HOOK3: variants seen among roughly 807,000 people sequenced by gnomAD.
HOOK3 encodes protein Hook homolog 3.
In HOOK3, 24 loss-of-function variants were observed where a neutral mutation model predicts 116.3. That is an observed-to-expected ratio of 0.21 (90% CI 0.15 to 0.29). HOOK3 has a LOEUF of 0.29. Among genes scored for constraint, HOOK3 ranks in the 10% least tolerant of loss-of-function variants. The pLI is 1.00. For missense variants in HOOK3, 632 were observed against 830.2 expected (o/e 0.76, Z 2.93); for synonymous variants, 275 against 283.0 (o/e 0.97, Z 0.28).
At chr8:42,931,895 C>G (rs1382379303) in intron 4 of HOOK3, among the ~76,000 whole-genome samples, 2 of 152,162 alleles carry the variant, frequency 1.3e-5, no homozygotes, top group Non-Finnish European at 2.9e-5. Context: ...GCTGGGACTA[C>G]AGGTGCGTAC....
intron 9 of HOOK3, 54 bp downstream of exon 9, chr8:42,964,528 AAAGTT>A: frequency 6.4e-7 from 1 of 1,556,242 alleles, no homozygotes; most frequent in South Asian, 1.1e-5. Context: ...GCTGTCATTT[AAAGTT>A]AAGAGTATAT....
intron 1 of HOOK3, among the ~76,000 whole-genome samples, chr8:42,903,490 G>T (rs1186145324): frequency 2.0e-5 from 3 of 149,738 alleles, no homozygotes. Flanking sequence ...GACTACAGGC[G>T]CCCGCCACAG....
At chr8:42,925,417 C>T (rs1807745627) in intron 2 of HOOK3, 140 bp from the exon 3 acceptor site, 6 of 593,880 alleles carry the variant, frequency 1.0e-5, no homozygotes, top group South Asian at 8.6e-5. Context: ...GTTAGTAACA[C>T]GAAAGTTATT....
At chr8:42,997,920 A>G (rs889796577) in intron 16 of HOOK3, 5 of 307,446 alleles carry the variant, frequency 1.6e-5, no homozygotes, top group Non-Finnish European at 3.1e-5. Context: ...TCAGTGTTCA[A>G]AGATGAAGTG....
At chr8:42,921,547 C>T (rs1462276936) in intron 2 of HOOK3, among the ~76,000 whole-genome samples, 1 of 152,132 alleles carries the variant, frequency 6.6e-6, no homozygotes, top group Admixed American at 6.5e-5. Context: ...TTGTCTGTTT[C>T]TTTGAGAAGT....
chr8:42,953,838 G>C lies in HOOK3; in HGVS notation c.469-3256G>C, dbSNP rs544293003. 2.0e-4 allele frequency among the ~76,000 whole-genome samples: 31 copies of C among 152,208 alleles called. No individual in the cohort carries two copies. The South Asian group carries it at 5.4e-3, about 26-fold the overall frequency. The stretch of plus-strand genomic sequence containing the variant: ...TATTATTGTCTTCATTTTATAAAAA[G>C]AAACAGAGAGTTTGAGTAACTTGCT... On this transcript the variant is annotated intron_variant, in intron 6 of 21. Transcript: ENST00000307602.
At position 43,025,897 on chromosome 8, in the gene HOOK3, A is replaced by G. The variant is rs1375885210; in HGVS notation, c.*7399A>G. The G allele has an allele frequency of 4.8e-6, 1 of 209,564 alleles. No individual in the cohort carries two copies. The highest frequency in any genetic ancestry group is 9.7e-6 in the Non-Finnish European group (1 of 103,254). 13.0% of individuals were successfully genotyped at this position (209,564 alleles called of 1,614,324 possible). ...TTTAAAGTATATTCAACATTGTGCC[A>G]TTATTTACCTGATAAAGGTGAAATC... is the stretch of plus-strand genomic sequence containing the variant. On this transcript the variant is annotated 3_prime_UTR_variant, in exon 22 of 22. Transcript: ENST00000307602.
chr8:42,965,040 C>T (rs1446428024), intron 9 of HOOK3, among the ~76,000 whole-genome samples: 3 of 152,168 alleles, frequency 2.0e-5, no homozygotes, highest in Non-Finnish European at 2.9e-5. Flanking sequence ...CCCACACCTG[C>T]CCCTCTGTGG....
intron 16 of HOOK3, among the ~76,000 whole-genome samples, chr8:42,999,343 A>G (rs1032440382): frequency 2.0e-5 from 3 of 152,214 alleles, no homozygotes; most frequent in Non-Finnish European, 4.4e-5. Context: ...GACTGTCCAG[A>G]TGCCAATGTC....
chr8:42,915,634 G>T (rs1268808102), intron 2 of HOOK3, among the ~76,000 whole-genome samples: 4 of 152,030 alleles, frequency 2.6e-5, no homozygotes, highest in Non-Finnish European at 5.9e-5. Context: ...GTTTCACTAT[G>T]TTGGCCAGAC....
chr8:42,988,699 C>T (rs1809096154), intron 15 of HOOK3, among the ~76,000 whole-genome samples: 1 of 152,192 alleles, frequency 6.6e-6, no homozygotes, highest in Non-Finnish European at 1.5e-5. Context: ...CTTAAATATG[C>T]TTTCTTACTT....
chr8:42,932,147 A>C (rs867020352), intron 4 of HOOK3, among the ~76,000 whole-genome samples: 5 of 152,334 alleles, frequency 3.3e-5, no homozygotes, highest in Admixed American at 6.5e-5. Flanking sequence ...AGGCACTCAG[A>C]GTTTCCTAAT....
At chr8:42,938,682 G>A (rs932485651) in intron 4 of HOOK3, among the ~76,000 whole-genome samples, 2 of 151,486 alleles carry the variant, frequency 1.3e-5, no homozygotes, top group African/African-American at 4.9e-5. Context: ...GAAATTCTGG[G>A]TTGAAAATGC....
rs1293772710 is a variant in HOOK3 at position 43,026,903 on chromosome 8, GGAGTCTCACTCT to G, written c.*8419_*8430del. Reference sequence around the variant, plus strand: ...TTTTTCTTTTTTTTTCTTTTGAGATGGAGTCTCACTCTGAGTCTCACTCTGTTGCCCAGGCTG... The same window carrying G: ...TTTTTCTTTTTTTTTCTTTTGAGATGGAGTCTCACTCTGTTGCCCAGGCTG... On this transcript the variant is annotated 3_prime_UTR_variant, in exon 22 of 22. Transcript: ENST00000307602. 17 of 188,732 alleles carry G rather than the reference GGAGTCTCACTCT, an allele frequency of 9.0e-5. No individual in the cohort carries two copies. Among genetic ancestry groups the G allele is most frequent in the African/African-American group, 1.2e-4 (5 of 42,636 alleles). The allele number at this position is 188,732 out of a possible 1,614,324, so 11.7% of individuals were successfully genotyped here.
At chr8:42,968,641 A>G (rs967712157) in intron 11 of HOOK3, among the ~76,000 whole-genome samples, 6 of 152,120 alleles carry the variant, frequency 3.9e-5, no homozygotes, top group Admixed American at 1.3e-4. Context: ...TGCCTGGCCT[A>G]TTGTATTTAT....
chr8:42,976,040 A>ATATGTG (rs146604728), intron 13 of HOOK3, among the ~76,000 whole-genome samples: 2 of 148,732 alleles, frequency 1.3e-5, no homozygotes, highest in African/African-American at 2.5e-5. Flanking sequence ...GTATATATAT[A>ATATGTG]TGTGTGTGTG....
At chr8:42,906,308 G>A in intron 2 of HOOK3, 50 bp downstream of exon 2, 2 of 1,281,932 alleles carry the variant, frequency 1.6e-6, no homozygotes, top group East Asian at 4.6e-5. Context: ...ATGGATATTT[G>A]TTAGGTTGAA....
At chr8:42,910,426 A>G (rs948607436) in intron 2 of HOOK3, among the ~76,000 whole-genome samples, 2 of 152,038 alleles carry the variant, frequency 1.3e-5, no homozygotes, top group African/African-American at 2.4e-5. Context: ...AATTTTGCAT[A>G]TATGTTTTGC....
chr8:42,961,385 A>G (rs1365475541), intron 8 of HOOK3, among the ~76,000 whole-genome samples: 2 of 152,198 alleles, frequency 1.3e-5, no homozygotes, highest in Admixed American at 1.3e-4. Context: ...TCATCACTGT[A>G]TCCCTTGCAC....
Sources: allele counts gnomAD v4.1 joint callset (sites outside exome capture counted in the v4.1 genomes callset), GRCh38; gene constraint gnomAD v4.1.1; transcripts MANE v1.5; gene names NCBI Gene and HGNC (gene_info 2026-07-23, HGNC 2026-07-21).